Variants in PACRGL observed in about 807,000 individuals in gnomAD.
PACRGL encodes the protein PACRG-like protein.
PACRGL carries 38 observed loss-of-function variants against 34.5 expected under a neutral mutation model. The ratio of observed to expected loss-of-function variants is 1.10; its 90% CI spans 0.85 to 1.44. PACRGL has a LOEUF of 1.44. PACRGL is among the 40% of genes most tolerant of loss of function. The pLI is 0.00. For missense variants in PACRGL, 305 were observed against 281.4 expected (o/e 1.08, Z -0.60); for synonymous variants, 128 against 100.1 (o/e 1.28, Z -1.66).
At chr4:20,764,681 G>GACACACACACACAC in the PACRGL span, among the ~76,000 whole-genome samples, 2,902 of 147,162 alleles carry the variant, frequency 0.02, 57 homozygotes, top group African/African-American at 0.053. Context: ...ATGGGAATTG[G>GACACACACACACAC]ACACACACAC....
At chr4:20,753,261 A>G (rs530582418), downstream of PACRGL, among the ~76,000 whole-genome samples, 1 of 152,308 alleles carries the variant, frequency 6.6e-6, no homozygotes, top group African/African-American at 2.4e-5. Flanking sequence ...GAATCAAGAT[A>G]TTCCTATACC....
chr4:20,716,342 TTG>T, intron 7 of PACRGL: 7 of 580,190 alleles, frequency 1.2e-5, no homozygotes, highest in East Asian at 5.7e-5. Flanking sequence ...TGTTTTTTTT[TTG>T]TTTGTTTGTT....
downstream of PACRGL, among the ~76,000 whole-genome samples, chr4:20,753,471 A>C (rs1238849392): frequency 6.6e-6 from 1 of 152,162 alleles, no homozygotes; most frequent in African/African-American, 2.4e-5. Flanking sequence ...AACACAGTGA[A>C]TATAGCAAGT....
At chr4:20,765,287 G>T in the PACRGL span, among the ~76,000 whole-genome samples, 1 of 151,998 alleles carries the variant, frequency 6.6e-6, no homozygotes, top group African/African-American at 2.4e-5. Flanking sequence ...CTTCTATTAG[G>T]ACTGAAAACA....
At chr4:20,732,590 T>C (rs1274612490), downstream of PACRGL, 1 of 787,026 alleles carries the variant, frequency 1.3e-6, no homozygotes, top group African/African-American at 1.7e-5. Flanking sequence ...TTATTTTCCT[T>C]TGCTCTCTTT....
Position 20,729,418 on chromosome 4 carries a change from A to AAATGCTTATTAAAATAAGTTTT in PACRGL, c.*2079_*2100dup, listed in dbSNP as rs1263042542. ...TGGCTGTAACATATTATGGAAAATT[A>AAATGCTTATTAAAATAAGTTTT]AATGCTTATTAAAATAAGTTTTATT... On this transcript the variant is annotated 3_prime_UTR_variant, in exon 9 of 9. Coordinates refer to ENST00000503585, the MANE Select transcript of PACRGL (RefSeq NM_001258345.3). 1 of 152,256 alleles carries AAATGCTTATTAAAATAAGTTTT rather than the reference A, an allele frequency of 6.6e-6. No individual in the cohort carries two copies. The highest frequency in any genetic ancestry group is 2.4e-5 in the African/African-American group (1 of 41,356). 9.4% of individuals were successfully genotyped at this position (152,256 alleles called of 1,614,324 possible).
downstream of PACRGL, chr4:20,732,774 A>G: frequency 1.9e-6 from 3 of 1,602,568 alleles, no homozygotes; most frequent in South Asian, 1.1e-5. Flanking sequence ...CTTTCATTAT[A>G]TCAAGCATTT....
chr4:20,709,147 A>T (rs566098243), intron 4 of PACRGL, among the ~76,000 whole-genome samples: 80 of 152,208 alleles, frequency 5.3e-4, no homozygotes, highest in African/African-American at 1.9e-3. Flanking sequence ...CTCAAAAAAA[A>T]GCAGTTAAAA....
the PACRGL span, chr4:20,759,026 G>A: frequency 6.6e-6 from 4 of 606,262 alleles, no homozygotes; most frequent in Admixed American, 3.1e-5. Flanking sequence ...ATTACAAAGG[G>A]AATAAAAGCA....
At chr4:20,712,677 A>G in intron 5 of PACRGL, 111 bp from the exon 6 acceptor site, 1 of 986,086 alleles carries the variant, frequency 1.0e-6, no homozygotes. Context: ...CATGATTAGG[A>G]AAACAATAAT....
chr4:20,720,742 C>G (rs1015655019), intron 7 of PACRGL, among the ~76,000 whole-genome samples: 4 of 152,166 alleles, frequency 2.6e-5, no homozygotes, highest in Non-Finnish European at 5.9e-5. Context: ...GCCTTTCCTT[C>G]TGGCTGCCCT....
chr4:20,730,292 C>G lies in PACRGL; in HGVS notation c.*2951C>G, dbSNP rs890457846. ...AATGTAAATGCCATTCTATTCTATC[C>G]ATTTTCCACATAGATGACTATGAAG... On this transcript the variant is annotated 3_prime_UTR_variant, in exon 9 of 9. Coordinates refer to ENST00000503585, the MANE Select transcript of PACRGL (RefSeq NM_001258345.3). 5.9e-5 allele frequency among the ~76,000 whole-genome samples: 9 copies of G among 152,152 alleles called. No homozygotes were observed. The highest frequency in any genetic ancestry group is 1.3e-4 in the Non-Finnish European group (9 of 68,030).
Position 20,707,682 on chromosome 4 carries a change from T to C in PACRGL, c.208-121T>C, listed in dbSNP as rs1303199055. ...GAGAGGATTGACAGTTTTTCTCAAC[T>C]GTGTTGCTGAGTAGAAACGGTGCGC... On this transcript the variant is annotated intron_variant, in intron 3 of 8. Coordinates refer to ENST00000503585, the MANE Select transcript of PACRGL (RefSeq NM_001258345.3). The C allele has an allele frequency of 9.5e-6, 7 of 739,226 alleles. No homozygotes were observed. The South Asian group carries it at 1.1e-4, about 12-fold the overall frequency. The allele number at this position is 739,226 out of a possible 1,614,324, so 45.8% of individuals were successfully genotyped here. A position where few individuals can be genotyped will look rare whatever the true frequency, so the allele number is the denominator to read the frequency against.
downstream of PACRGL, among the ~76,000 whole-genome samples, chr4:20,754,767 A>G (rs1399663934): frequency 6.6e-6 from 1 of 152,184 alleles, no homozygotes; most frequent in Non-Finnish European, 1.5e-5. Flanking sequence ...GTTTAAGAAG[A>G]TGTTCTCTAA....
In PACRGL at chr4:20,729,488, A is replaced by AATAATTTTT. The variant is rs1747277226; in HGVS notation, c.*2149_*2157dup. 8.4e-6 allele frequency: 1 copy of AATAATTTTT among 118,826 alleles called. No homozygotes were observed. The highest frequency in any genetic ancestry group is 3.5e-4 in the South Asian group (1 of 2,820). The allele number at this position is 118,826 out of a possible 1,614,324, so 7.4% of individuals were successfully genotyped here. A position where few individuals can be genotyped will look rare whatever the true frequency, so the allele number is the denominator to read the frequency against. Reference sequence around the variant, plus strand: ...ATAATAAACTAATTTTTAAATGTTTAATAATTTTTAAATGTTTAAAAATGC... The same window carrying AATAATTTTT: ...ATAATAAACTAATTTTTAAATGTTTAATAATTTTTATAATTTTTAAATGTTTAAAAATGC... On this transcript the variant is annotated 3_prime_UTR_variant, in exon 9 of 9. Coordinates refer to ENST00000503585, the MANE Select transcript of PACRGL (RefSeq NM_001258345.3).
chr4:20,747,051 A>C (rs1398945214), intron 8 of PACRGL, among the ~76,000 whole-genome samples: 1 of 152,216 alleles, frequency 6.6e-6, no homozygotes, highest in Non-Finnish European at 1.5e-5. Flanking sequence ...TTTTCATTTA[A>C]AAGGAAAGGC....
chr4:20,735,518 GTTTTT>G (rs754949562), downstream of PACRGL, among the ~76,000 whole-genome samples: 1 of 130,812 alleles, frequency 7.6e-6, no homozygotes, highest in Non-Finnish European at 1.6e-5. Context: ...TTCATTTAGT[GTTTTT>G]TTTTTTGTTT....
intron 6 of PACRGL, 162 bp downstream of exon 6, chr4:20,713,084 A>AG: frequency 1.4e-6 from 1 of 712,070 alleles, no homozygotes; most frequent in African/African-American, 1.8e-5. Context: ...ACTGTTACTC[A>AG]GGGCCAGATA....
At chr4:20,712,654 C>T in intron 5 of PACRGL, 134 bp from the exon 6 acceptor site, 1 of 868,320 alleles carries the variant, frequency 1.2e-6, no homozygotes, top group Non-Finnish European at 1.6e-6. Context: ...ATTGTAACTA[C>T]TGAAATTATA....
Sources: gnomAD v4.1 joint callset for allele counts (sites outside exome capture counted in the v4.1 genomes callset) on GRCh38, gnomAD v4.1.1 for gene constraint, MANE v1.5 for transcripts, NCBI Gene and HGNC (gene_info 2026-07-23, HGNC 2026-07-21) for gene names.